PTPRD: variants seen among roughly 807,000 people sequenced by gnomAD.
PTPRD encodes receptor-type tyrosine-protein phosphatase delta.
Under a neutral mutation model 214.5 loss-of-function variants are expected in PTPRD, and 34 were observed. The observed-to-expected ratio is 0.16, with a 90% CI of 0.12 to 0.21. The LOEUF is 0.21. PTPRD is among the 10% of genes least tolerant of loss of function. The pLI is 1.00. For synonymous variants in PTPRD, 1,128 were observed against 845.7 expected (o/e 1.33, Z -5.79); for missense variants, 2,545 against 2,398.7 (o/e 1.06, Z -1.27).
intron 11 of PTPRD, among the ~76,000 whole-genome samples, chr9:8,791,672 A>T (rs564979600): frequency 6.6e-6 from 1 of 151,946 alleles, no homozygotes; most frequent in South Asian, 2.1e-4. Flanking sequence ...CAGAGCTACT[A>T]TCATGAGGGT....
intron 12 of PTPRD, chr9:8,700,797 T>G (rs1312467307): frequency 6.6e-6 from 1 of 152,220 alleles, no homozygotes; most frequent in Non-Finnish European, 1.5e-5. Context: ...ACTAGTAATA[T>G]TCATTCAAGG....
rs117569405 is a variant in PTPRD, at chr9:9,102,425, G to A, written c.-143+80879C>T. Among the ~76,000 whole-genome samples, 605 of 152,278 alleles carry A rather than the reference G, an allele frequency of 4.0e-3. 1 individual carries two copies. Among genetic ancestry groups the A allele is most frequent in the Non-Finnish European group, 6.9e-3 (472 of 68,034 alleles). On this transcript the variant is annotated intron_variant, in intron 10 of 45. Transcript: ENST00000381196. ...CCAGAATCACGCTGCGGGAACTGTG[G>A]CTTCTTCCAAGTCATCCAAAGATAA...
intron 3 of PTPRD, among the ~76,000 whole-genome samples, chr9:10,245,755 A>G (rs2091973290): frequency 6.6e-6 from 1 of 152,160 alleles, no homozygotes; most frequent in South Asian, 2.1e-4. Flanking sequence ...GACAGGGGGA[A>G]GACAGATGTG....
intron 2 of PTPRD, among the ~76,000 whole-genome samples, chr9:10,584,389 T>G (rs1007409601): frequency 6.6e-6 from 1 of 152,112 alleles, no homozygotes; most frequent in African/African-American, 2.4e-5. Flanking sequence ...TGAAGTTATG[T>G]GGTTTCAATA....
In PTPRD at chr9:9,494,436, C is replaced by T. The variant is rs149034798; in HGVS notation, c.-237+80296G>A. On this transcript the variant is annotated intron_variant, in intron 8 of 45. Transcript: ENST00000381196. Reference sequence around the variant, plus strand: ...CATTGTTGTTCTAAAGAAATTGCCACAACCACCCCAACCTCGAGTAACCAC... The same window carrying T: ...CATTGTTGTTCTAAAGAAATTGCCATAACCACCCCAACCTCGAGTAACCAC... Among the ~76,000 whole-genome samples the T allele has an allele frequency of 8.7e-3, 1,321 of 152,296 alleles. 11 individuals carry two copies. The highest frequency in any genetic ancestry group is 0.013 in the Non-Finnish European group (907 of 68,028).
chr9:8,856,140 C>T (rs2097911819), intron 11 of PTPRD, among the ~76,000 whole-genome samples: 2 of 151,984 alleles, frequency 1.3e-5, no homozygotes, highest in Admixed American at 6.6e-5. Context: ...AATATATGTT[C>T]AAAGTAAGTA....
At chr9:9,582,771 T>C (rs2154315981) in intron 7 of PTPRD, among the ~76,000 whole-genome samples, 1 of 152,194 alleles carries the variant, frequency 6.6e-6, no homozygotes, top group Non-Finnish European at 1.5e-5. Flanking sequence ...TTGTCTGAAT[T>C]TCTGAACCTG....
chr9:10,455,534 A>T (rs2098906067), intron 2 of PTPRD, among the ~76,000 whole-genome samples: 2 of 151,694 alleles, frequency 1.3e-5, no homozygotes, highest in South Asian at 4.2e-4. Context: ...CATTTTTTAA[A>T]CCTGCCATCA....
intron 10 of PTPRD, among the ~76,000 whole-genome samples, chr9:9,114,708 G>C (rs1299373851): frequency 6.6e-6 from 1 of 151,928 alleles, no homozygotes; most frequent in African/African-American, 2.4e-5. Flanking sequence ...CAAAAAATAA[G>C]GAAAAAAATC....
intron 8 of PTPRD, among the ~76,000 whole-genome samples, chr9:9,471,501 C>A (rs1408619747): frequency 1.3e-5 from 2 of 152,052 alleles, no homozygotes; most frequent in East Asian, 1.9e-4. Flanking sequence ...TAAAAAAATG[C>A]TCCCTGAATG....
chr9:8,378,344 C>G (rs990982256), intron 37 of PTPRD, among the ~76,000 whole-genome samples: 5 of 151,884 alleles, frequency 3.3e-5, no homozygotes, highest in Admixed American at 3.3e-4. Flanking sequence ...AAGCTAAAAC[C>G]CAGGTCACAG....
chr9:9,181,915 C>T (rs762977483), intron 10 of PTPRD, among the ~76,000 whole-genome samples: 2 of 151,948 alleles, frequency 1.3e-5, no homozygotes, highest in Non-Finnish European at 1.5e-5. Flanking sequence ...TAAATGAACA[C>T]TGGAAGATAA....
intron 10 of PTPRD, among the ~76,000 whole-genome samples, chr9:9,180,557 C>A (rs2099927626): frequency 6.6e-6 from 1 of 151,804 alleles, no homozygotes; most frequent in Non-Finnish European, 1.5e-5. Flanking sequence ...TGTAACAAAC[C>A]TGCACGTTGT....
At chr9:8,553,992 G>C (rs1043038562) in intron 14 of PTPRD, among the ~76,000 whole-genome samples, 1 of 152,094 alleles carries the variant, frequency 6.6e-6, no homozygotes, top group Non-Finnish European at 1.5e-5. Context: ...TTCGAGACTA[G>C]CCTGGCCAAC....
chr9:8,641,272 C>T (rs1300389985), intron 12 of PTPRD, among the ~76,000 whole-genome samples: 1 of 148,062 alleles, frequency 6.8e-6, no homozygotes. Flanking sequence ...GTTTTTATCC[C>T]ATGAGATACA....
intron 14 of PTPRD, among the ~76,000 whole-genome samples, chr9:8,539,467 A>T (rs1445525909): frequency 6.6e-6 from 1 of 151,888 alleles, no homozygotes; most frequent in Non-Finnish European, 1.5e-5. Flanking sequence ...AAGACAAATA[A>T]TTTTGAAGTT....
chr9:8,593,709 A>C (rs953665386), intron 14 of PTPRD, among the ~76,000 whole-genome samples: 1 of 152,210 alleles, frequency 6.6e-6, no homozygotes, highest in East Asian at 1.9e-4. Flanking sequence ...TAGATTTTCA[A>C]TGAAAGAGCT....
chr9:9,340,203 A>G (rs758170893), intron 9 of PTPRD, among the ~76,000 whole-genome samples: 2 of 152,176 alleles, frequency 1.3e-5, no homozygotes, highest in African/African-American at 4.8e-5. Flanking sequence ...TTAACAGCCC[A>G]TAATCAATAT....
chr9:10,573,895 T>G (rs2068276652), intron 2 of PTPRD, among the ~76,000 whole-genome samples: 2 of 152,122 alleles, frequency 1.3e-5, no homozygotes, highest in Admixed American at 1.3e-4. Flanking sequence ...TATACCTATG[T>G]AACAAAACTG....
Sources: allele counts gnomAD v4.1 joint callset (sites outside exome capture counted in the v4.1 genomes callset), GRCh38; gene constraint gnomAD v4.1.1; transcripts MANE v1.5; gene names NCBI Gene and HGNC (gene_info 2026-07-23, HGNC 2026-07-21).